Variants in RORA observed in about 807,000 individuals in gnomAD.
The protein encoded by RORA is RAR related orphan receptor A.
In RORA, 7 loss-of-function variants were observed where a neutral mutation model predicts 69.5. The observed-to-expected ratio is 0.10, with a 90% CI of 0.06 to 0.19. The LOEUF (loss-of-function observed/expected upper bound fraction) is 0.19. Among genes scored for constraint, RORA ranks in the 10% least tolerant of loss-of-function variants. The pLI is 1.00. For synonymous variants in RORA, 261 were observed against 240.8 expected (o/e 1.08, Z -0.78); for missense variants, 457 against 663.0 (o/e 0.69, Z 3.41).
intron 1 of RORA, among the ~76,000 whole-genome samples, chr15:61,062,744 C>A (rs1006958711): frequency 6.6e-6 from 1 of 152,198 alleles, no homozygotes; most frequent in African/African-American, 2.4e-5. Context: ...CTCCCAACTG[C>A]ACAGGCATGC....
chr15:60,707,480 C>T (rs961713907), intron 1 of RORA, among the ~76,000 whole-genome samples: 4 of 151,978 alleles, frequency 2.6e-5, no homozygotes, highest in Admixed American at 6.6e-5. Context: ...TCTCCTGCCT[C>T]AGCCTCCCGA....
chr15:60,753,338 T>TAATC (rs775553798), intron 1 of RORA, among the ~76,000 whole-genome samples: 2 of 152,368 alleles, frequency 1.3e-5, no homozygotes, highest in East Asian at 3.9e-4. Flanking sequence ...TTCATTCTGT[T>TAATC]AATCCATCCA....
chr15:61,074,365 A>C (rs936150318), intron 1 of RORA, among the ~76,000 whole-genome samples: 1 of 152,256 alleles, frequency 6.6e-6, no homozygotes, highest in Non-Finnish European at 1.5e-5. Flanking sequence ...ATTTAAAAAC[A>C]TACAAGCACC....
intron 1 of RORA, among the ~76,000 whole-genome samples, chr15:61,125,673 A>T (rs967136738): frequency 6.6e-6 from 1 of 152,194 alleles, no homozygotes; most frequent in African/African-American, 2.4e-5. Context: ...AATGCTTCTG[A>T]TTCCTCTGTT....
chr15:60,577,966 G>C (rs1329257594), intron 2 of RORA, among the ~76,000 whole-genome samples: 1 of 152,132 alleles, frequency 6.6e-6, no homozygotes, highest in African/African-American at 2.4e-5. Flanking sequence ...TGTATGTGAA[G>C]AAAATCTGGC....
At chr15:60,910,952 A>G (rs1212172958) in intron 1 of RORA, among the ~76,000 whole-genome samples, 2 of 139,384 alleles carry the variant, frequency 1.4e-5, no homozygotes, top group Admixed American at 1.6e-4. Context: ...TGCCCAAGCT[A>G]GAGTGCAATG....
intron 1 of RORA, among the ~76,000 whole-genome samples, chr15:60,716,819 C>T (rs1332681282): frequency 6.6e-6 from 1 of 152,186 alleles, no homozygotes; most frequent in African/African-American, 2.4e-5. Context: ...TGTGGAGGTT[C>T]CTGGAGAATG....
At chr15:60,512,652 T>A (rs2065740447) in intron 4 of RORA, among the ~76,000 whole-genome samples, 1 of 152,184 alleles carries the variant, frequency 6.6e-6, no homozygotes, top group Non-Finnish European at 1.5e-5. Flanking sequence ...AGCATCAGGA[T>A]TTGGAAAGGA....
chr15:60,578,080 A>G (rs1476556285), intron 2 of RORA, among the ~76,000 whole-genome samples: 1 of 152,230 alleles, frequency 6.6e-6, no homozygotes, highest in East Asian at 1.9e-4. Flanking sequence ...AACAAGTGGT[A>G]GTTTCTTAAA....
At chr15:61,082,339 A>T (rs2078556500) in intron 1 of RORA, among the ~76,000 whole-genome samples, 1 of 152,228 alleles carries the variant, frequency 6.6e-6, no homozygotes, top group Non-Finnish European at 1.5e-5. Context: ...CAATACAAAA[A>T]TTAGCTGGGC....
intron 1 of RORA, among the ~76,000 whole-genome samples, chr15:60,991,543 A>T (rs112934401): frequency 2.3e-5 from 3 of 132,086 alleles, no homozygotes; most frequent in African/African-American, 9.0e-5. Context: ...TGTTAAAAAA[A>T]TGGCTCAAAA....
chr15:60,880,426 G>A (rs1404957298), intron 1 of RORA, among the ~76,000 whole-genome samples: 2 of 152,166 alleles, frequency 1.3e-5, no homozygotes, highest in African/African-American at 4.8e-5. Context: ...AGATCACGAG[G>A]TCAGGAGATC....
At chr15:61,140,829 G>T (rs1368199889) in intron 1 of RORA, among the ~76,000 whole-genome samples, 1 of 152,152 alleles carries the variant, frequency 6.6e-6, no homozygotes, top group South Asian at 2.1e-4. Flanking sequence ...CATATTTGGA[G>T]AATATTTTTA....
chr15:60,577,761 T>G lies in RORA; in HGVS notation c.197-45910A>C, dbSNP rs117607502. 9.7e-3 allele frequency among the ~76,000 whole-genome samples: 1,475 copies of G among 152,260 alleles called. 6 individuals carry two copies. The highest frequency in any genetic ancestry group is 0.013 in the Non-Finnish European group (869 of 68,022). The stretch of plus-strand genomic sequence containing the variant: ...TACACAATTTACTTATAATTCAACT[T>G]AAAATAATAGTAATAAACACATTGC... On this transcript the variant is annotated intron_variant, in intron 2 of 10. Coordinates refer to ENST00000335670, the MANE Select transcript of RORA (RefSeq NM_134261.3).
chr15:61,018,963 G>A (rs1481263330), intron 1 of RORA, among the ~76,000 whole-genome samples: 3 of 152,032 alleles, frequency 2.0e-5, no homozygotes, highest in African/African-American at 7.2e-5. Context: ...CAGGCTGAAG[G>A]GCTTAAAGCA....
intron 1 of RORA, among the ~76,000 whole-genome samples, chr15:61,123,675 T>C (rs1210806016): frequency 6.6e-6 from 1 of 152,170 alleles, no homozygotes; most frequent in Non-Finnish European, 1.5e-5. Flanking sequence ...GCATGGGCAC[T>C]GGGATTTTTT....
intron 1 of RORA, among the ~76,000 whole-genome samples, chr15:61,063,371 T>C (rs747159239): frequency 5.3e-5 from 8 of 152,210 alleles, no homozygotes; most frequent in Non-Finnish European, 7.4e-5. Context: ...AATATAAAAA[T>C]GTAACTTGAT....
intron 1 of RORA, among the ~76,000 whole-genome samples, chr15:60,925,737 C>G (rs1202022839): frequency 1.3e-5 from 2 of 152,236 alleles, no homozygotes; most frequent in Non-Finnish European, 2.9e-5. Flanking sequence ...AATCCAAGGA[C>G]TATCAGAATT....
Position 61,140,023 on chromosome 15 carries a change from C to G in RORA, c.166+89030G>C, listed in dbSNP as rs192899507. Among the ~76,000 whole-genome samples the G allele has an allele frequency of 1.5e-4, 23 of 152,308 alleles. No individual in the cohort carries two copies. The East Asian group carries it at 4.1e-3, about 27-fold the overall frequency. ...ACTTCCCAGACTTCATTTGCACATT[C>G]TCAGTTGTACTGCTATAAATGTAAC... On this transcript the variant is annotated intron_variant, in intron 1 of 10. Transcript: ENST00000335670.
Sources: allele counts gnomAD v4.1 joint callset (sites outside exome capture counted in the v4.1 genomes callset), GRCh38; gene constraint gnomAD v4.1.1; transcripts MANE v1.5; gene names NCBI Gene and HGNC (gene_info 2026-07-23, HGNC 2026-07-21).